IPMK: variants seen among roughly 807,000 people sequenced by gnomAD.
IPMK encodes inositol polyphosphate multikinase.
Under a neutral mutation model 45.8 loss-of-function variants are expected in IPMK, and 17 were observed. The ratio of observed to expected loss-of-function variants is 0.37; its 90% CI spans 0.25 to 0.56. The LOEUF (loss-of-function observed/expected upper bound fraction) is 0.56, where lower values mean the gene tolerates loss of function less well. IPMK is among the 20% of genes least tolerant of loss of function. The probability of loss-of-function intolerance (pLI) is 0.79; values close to 1 mark genes in which losing one functional copy is unlikely to be tolerated. For missense variants in IPMK, 399 were observed against 498.0 expected (o/e 0.80, Z 1.89); for synonymous variants, 180 against 184.3 (o/e 0.98, Z 0.19).
chr10:58,197,583 G>C (rs895681605), intron 5 of IPMK, among the ~76,000 whole-genome samples: 3 of 150,830 alleles, frequency 2.0e-5, no homozygotes, highest in African/African-American at 7.3e-5. Flanking sequence ...CCAGAAGGCG[G>C]AGCTTGCAGC....
At chr10:58,197,660 G>C (rs905812793) in intron 5 of IPMK, among the ~76,000 whole-genome samples, 1 of 104,540 alleles carries the variant, frequency 9.6e-6, no homozygotes, top group Non-Finnish European at 1.9e-5. Flanking sequence ...AAAAAAAAAA[G>C]AAAAGAAAAG....
chr10:58,264,679 GCAAA>G (rs957214614), intron 1 of IPMK, among the ~76,000 whole-genome samples: 137 of 152,118 alleles, frequency 9.0e-4, no homozygotes, highest in African/African-American at 3.2e-3. Flanking sequence ...ACTTATCACA[GCAAA>G]CAAATGGTGA....
At chr10:58,224,023 C>T (rs2590312) in intron 3 of IPMK, among the ~76,000 whole-genome samples, 12,557 of 152,188 alleles carry the variant, frequency 0.083, 1,305 homozygotes, top group African/African-American at 0.25. Flanking sequence ...TGAAAATGGA[C>T]TAATACAATA....
chr10:58,260,572 T>A (rs1393561216), intron 1 of IPMK, among the ~76,000 whole-genome samples: 1 of 152,186 alleles, frequency 6.6e-6, no homozygotes, highest in African/African-American at 2.4e-5. Context: ...GCAAAATTAA[T>A]ATTAACAATT....
intron 3 of IPMK, among the ~76,000 whole-genome samples, chr10:58,220,700 C>T (rs928168856): frequency 1.3e-5 from 2 of 152,176 alleles, no homozygotes; most frequent in Non-Finnish European, 2.9e-5. Flanking sequence ...TTCATACATT[C>T]CATATATAAT....
In IPMK at chr10:58,196,097, A is replaced by G. The variant is rs1276563217; in HGVS notation, c.1230T>C (p.Leu410=). Residue 410 remains leucine, a synonymous_variant, in exon 6 of 6, where the codon CTT becomes CTC. Transcript: ENST00000373935. ...GGATTCAATTGTCTAAAATACTTCGAAGTACAGAAATTAAATGCTTTAGCC... is the reference window on the plus strand; with the variant it reads ...GGATTCAATTGTCTAAAATACTTCGGAGTACAGAAATTAAATGCTTTAGCC... ...VYGLKHLISV[L]RSILDN The G allele has an allele frequency of 1.2e-6, 2 of 1,612,872 alleles. No individual in the cohort carries two copies. The highest frequency in any genetic ancestry group is 3.3e-5 in the Admixed American group (2 of 59,912).
In IPMK at chr10:58,251,546, C is replaced by A. The variant is rs564770018; in HGVS notation, c.191-13732G>T. ...CTCTGGAGACTGTGGATTTTCCTAT[C>A]TGGATCATGTGTCTATTGCCAAAAG... On this transcript the variant is annotated intron_variant, in intron 1 of 5. Coordinates refer to ENST00000373935, the MANE Select transcript of IPMK (RefSeq NM_152230.5). Among the ~76,000 whole-genome samples, 28 of 152,254 alleles carry A rather than the reference C, an allele frequency of 1.8e-4. No individual in the cohort carries two copies. In the South Asian group the frequency reaches 5.8e-3, roughly 32 times the overall value.
intron 2 of IPMK, among the ~76,000 whole-genome samples, chr10:58,234,473 A>G (rs1184136329): frequency 2.0e-5 from 3 of 152,218 alleles, no homozygotes; most frequent in Admixed American, 2.0e-4. Flanking sequence ...AGAGATATAG[A>G]CCAATGGAAC....
At position 58,249,724 on chromosome 10, in the gene IPMK, C is replaced by T. The variant is rs144081625; in HGVS notation, c.191-11910G>A. Reference sequence around the variant, plus strand: ...TGATGTAACCCCATTTGTATGTCTGCTTTTGTTGCCTGTCCTTCTGAGGTC... The same window carrying T: ...TGATGTAACCCCATTTGTATGTCTGTTTTTGTTGCCTGTCCTTCTGAGGTC... On this transcript the variant is annotated intron_variant, in intron 1 of 5. Coordinates refer to ENST00000373935, the MANE Select transcript of IPMK (RefSeq NM_152230.5). Among the ~76,000 whole-genome samples, 411 of 152,310 alleles carry T rather than the reference C, an allele frequency of 2.7e-3. 1 individual carries two copies. The highest frequency in any genetic ancestry group is 9.3e-3 in the African/African-American group (385 of 41,556).
chr10:58,203,504 C>T (rs888398244), intron 4 of IPMK, among the ~76,000 whole-genome samples: 2 of 152,106 alleles, frequency 1.3e-5, no homozygotes, highest in South Asian at 2.1e-4. Context: ...CTTTTGTAGA[C>T]GGGGTTTCAC....
intron 2 of IPMK, among the ~76,000 whole-genome samples, chr10:58,229,562 C>CAAAAAAAAAAA (rs574403627): frequency 4.1e-5 from 3 of 72,950 alleles, no homozygotes; most frequent in Middle Eastern, 7.8e-3. Context: ...GACCACGTCT[C>CAAAAAAAAAAA]AAAAAAAAAA....
chr10:58,243,863 C>T (rs919254098), intron 1 of IPMK, among the ~76,000 whole-genome samples: 15 of 151,982 alleles, frequency 9.9e-5, no homozygotes, highest in East Asian at 3.9e-4. Context: ...TCTGCCCGGC[C>T]GCCCCATCTG....
chr10:58,242,936 T>TTCTC (rs139796740), intron 1 of IPMK, among the ~76,000 whole-genome samples: 2 of 151,524 alleles, frequency 1.3e-5, no homozygotes, highest in African/African-American at 2.4e-5. Context: ...CACTTCCCCC[T>TTCTC]TCTCTCTCTC....
intron 4 of IPMK, among the ~76,000 whole-genome samples, chr10:58,199,624 C>T (rs948907983): frequency 6.6e-6 from 1 of 152,114 alleles, no homozygotes; most frequent in African/African-American, 2.4e-5. Flanking sequence ...ACTGAAAAAG[C>T]ACTTCTTTTA....
chr10:58,197,083 G>A lies in IPMK; in HGVS notation c.629-385C>T, dbSNP rs533618107. 2.2e-3 allele frequency among the ~76,000 whole-genome samples: 336 copies of A among 151,676 alleles called. 1 individual carries two copies. Among genetic ancestry groups the A allele is most frequent in the Non-Finnish European group, 3.8e-3 (256 of 67,870 alleles). On this transcript the variant is annotated intron_variant, in intron 5 of 5. Coordinates refer to ENST00000373935, the MANE Select transcript of IPMK (RefSeq NM_152230.5). Reference sequence around the variant, plus strand: ...TGGGAGGCCAAGGCGGGCGGATCACGAGGTCAGGAGATCCAGACCATCCTG... The same window carrying A: ...TGGGAGGCCAAGGCGGGCGGATCACAAGGTCAGGAGATCCAGACCATCCTG...
chr10:58,241,147 G>A (rs1386012923), intron 1 of IPMK, among the ~76,000 whole-genome samples: 1 of 152,102 alleles, frequency 6.6e-6, no homozygotes, highest in African/African-American at 2.4e-5. Context: ...GGGTGGGAAG[G>A]AAACTCATAC....
chr10:58,252,732 C>T (rs1036893595), intron 1 of IPMK, among the ~76,000 whole-genome samples: 1 of 151,198 alleles, frequency 6.6e-6, no homozygotes, highest in Admixed American at 6.6e-5. Flanking sequence ...CCTGCCTCGA[C>T]TGCCTGAATA....
chr10:58,211,954 T>C (rs1000428440), intron 4 of IPMK, among the ~76,000 whole-genome samples: 2 of 150,638 alleles, frequency 1.3e-5, no homozygotes, highest in African/African-American at 4.9e-5. Flanking sequence ...GTTGTTGGTT[T>C]GCAAGAGGGA....
chr10:58,251,394 GACCTA>G (rs1196084797), intron 1 of IPMK, among the ~76,000 whole-genome samples: 1 of 151,950 alleles, frequency 6.6e-6, no homozygotes, highest in African/African-American at 2.4e-5. Context: ...CTTGCTTTGG[GACCTA>G]ACATATGATT....
Sources: allele counts gnomAD v4.1 joint callset (sites outside exome capture counted in the v4.1 genomes callset), GRCh38; gene constraint gnomAD v4.1.1; transcripts MANE v1.5; gene names NCBI Gene and HGNC (gene_info 2026-07-23, HGNC 2026-07-21).